CD109: variants seen among roughly 807,000 people sequenced by gnomAD.
The protein encoded by CD109 is CD109 molecule.
CD109 carries 149 observed loss-of-function variants against 165.8 expected under a neutral mutation model. The ratio of observed to expected loss-of-function variants is 0.90; its 90% CI spans 0.79 to 1.03. CD109 has a LOEUF of 1.03. Among genes scored for constraint, CD109 ranks in the 50% least tolerant of loss-of-function variants. The pLI, the probability that CD109 is intolerant of heterozygous loss-of-function variation, is 0.00. For synonymous variants in CD109, 585 were observed against 592.1 expected (o/e 0.99, Z 0.18); for missense variants, 1,712 against 1,677.8 (o/e 1.02, Z -0.36).
chr6:73,751,323 G>T (rs956627107), intron 5 of CD109, among the ~76,000 whole-genome samples: 4 of 151,984 alleles, frequency 2.6e-5, no homozygotes, highest in Admixed American at 6.6e-5. Context: ...TTGTGGGGAG[G>T]TCTTTCATCC....
chr6:73,682,172 C>T, the CD109 span, among the ~76,000 whole-genome samples: 2 of 152,104 alleles, frequency 1.3e-5, no homozygotes, highest in Non-Finnish European at 2.9e-5. Flanking sequence ...CTCAAAAGTC[C>T]GCAGTCCCAA....
chr6:73,775,187 A>G (rs564207871), intron 15 of CD109, among the ~76,000 whole-genome samples: 314 of 150,974 alleles, frequency 2.1e-3, no homozygotes, highest in African/African-American at 7.2e-3. Context: ...GGTTATGTGT[A>G]TATATATATA....
intron 2 of CD109, among the ~76,000 whole-genome samples, chr6:73,709,563 T>A (rs568647078): frequency 4.5e-4 from 69 of 152,188 alleles, no homozygotes; most frequent in Non-Finnish European, 8.8e-4. Context: ...TTGATGGGGA[T>A]GGCATTGAAT....
intron 2 of CD109, among the ~76,000 whole-genome samples, chr6:73,718,464 T>G (rs969837911): frequency 6.6e-6 from 1 of 152,142 alleles, no homozygotes; most frequent in Non-Finnish European, 1.5e-5. Context: ...CATGAAGAGG[T>G]GCTGAATTTT....
chr6:73,770,943 C>A (rs1774010942), intron 14 of CD109, among the ~76,000 whole-genome samples: 2 of 152,130 alleles, frequency 1.3e-5, no homozygotes, highest in South Asian at 4.1e-4. Context: ...TTTGCTCTAA[C>A]CACCCACTCC....
intron 23 of CD109, among the ~76,000 whole-genome samples, chr6:73,801,243 C>T (rs1775351109): frequency 6.6e-6 from 1 of 152,188 alleles, no homozygotes; most frequent in Non-Finnish European, 1.5e-5. Context: ...GTATCTGTAT[C>T]CGCTGAGTTT....
chr6:73,794,174 C>T (rs118169915), intron 23 of CD109, among the ~76,000 whole-genome samples: 2,224 of 152,262 alleles, frequency 0.015, 13 homozygotes, highest in Non-Finnish European at 0.023. Context: ...CTCACAAAAA[C>T]TCTAGGAGCA....
chr6:73,681,195 T>C, the CD109 span, among the ~76,000 whole-genome samples: 7 of 152,078 alleles, frequency 4.6e-5, no homozygotes, highest in African/African-American at 1.7e-4. Context: ...GATATTGAGG[T>C]GAAATTGACA....
At chr6:73,730,879 G>A (rs1410926750) in intron 4 of CD109, among the ~76,000 whole-genome samples, 1 of 152,144 alleles carries the variant, frequency 6.6e-6, no homozygotes, top group Non-Finnish European at 1.5e-5. Flanking sequence ...AAGAGATTAA[G>A]TCCCTGCTGA....
In CD109 at chr6:73,736,407, C is replaced by T. The variant is rs200406626; in HGVS notation, c.532C>T (p.Gln178Ter). Residue 178 changes from glutamine (Q) to a stop codon, truncating the protein, a stop_gained, in exon 5 of 33, where the codon CAG becomes TAG. Transcript: ENST00000287097. LOFTEE classifies it high-confidence loss of function. ...IKDPKSNLIQ[Q>*]WLSQQSDLGV... ...GGACCCCAAATCAAATTTGATCCAA[C>T]AGTGGTTGTCACAACAAAGTGATCT... 5 of 1,613,742 alleles carry T rather than the reference C, an allele frequency of 3.1e-6. No homozygotes were observed. Among genetic ancestry groups the T allele is most frequent in the South Asian group, 1.1e-5 (1 of 91,006 alleles).
intron 16 of CD109, among the ~76,000 whole-genome samples, chr6:73,780,764 T>G (rs1774455164): frequency 6.8e-6 from 1 of 146,816 alleles, no homozygotes; most frequent in African/African-American, 2.5e-5. Context: ...TATAAATATA[T>G]TTTATGTATA....
chr6:73,725,495 A>T (rs12524953), intron 3 of CD109, among the ~76,000 whole-genome samples: 6,672 of 125,508 alleles, frequency 0.053, 181 homozygotes, highest in African/African-American at 0.084. Flanking sequence ...AAATTTGTCT[A>T]CTACACTTCT....
intron 14 of CD109, among the ~76,000 whole-genome samples, chr6:73,768,538 A>C (rs576258785): frequency 6.6e-6 from 1 of 152,330 alleles, no homozygotes; most frequent in African/African-American, 2.4e-5. Flanking sequence ...GTGAAATTCC[A>C]GTGGTAACAT....
chr6:73,748,610 T>C (rs984599476), intron 5 of CD109, among the ~76,000 whole-genome samples: 1 of 152,230 alleles, frequency 6.6e-6, no homozygotes, highest in African/African-American at 2.4e-5. Flanking sequence ...AAGGAATGGA[T>C]GAATGAATGC....
intron 2 of CD109, among the ~76,000 whole-genome samples, chr6:73,718,497 A>G (rs190682281): frequency 2.0e-5 from 3 of 152,106 alleles, no homozygotes; most frequent in Non-Finnish European, 2.9e-5. Flanking sequence ...TAAATTATCA[A>G]TTGAAATGAT....
chr6:73,790,669 G>A (rs1774891928), intron 22 of CD109, among the ~76,000 whole-genome samples: 1 of 152,126 alleles, frequency 6.6e-6, no homozygotes, highest in South Asian at 2.1e-4. Context: ...GATGAGATGA[G>A]ATGTCTGAGC....
chr6:73,680,218 T>TA, the CD109 span, among the ~76,000 whole-genome samples: 1 of 150,716 alleles, frequency 6.6e-6, no homozygotes, highest in Admixed American at 6.9e-5. Context: ...GTAATTATAT[T>TA]ATTTTTTATT....
At chr6:73,821,819 C>T (rs1362152737) in intron 32 of CD109, among the ~76,000 whole-genome samples, 1 of 152,152 alleles carries the variant, frequency 6.6e-6, no homozygotes, top group East Asian at 1.9e-4. Context: ...CAAACCTCAG[C>T]ATCACATAAT....
rs769159939 is a variant in CD109, at chr6:73,818,436, A to G, written c.3960A>G (p.Leu1320=). 2.5e-6 allele frequency: 4 copies of G among 1,613,832 alleles called. No individual in the cohort carries two copies. The highest frequency in any genetic ancestry group is 1.7e-5 in the Admixed American group (1 of 59,944). ...RSGMALMEVN[L]LSGFMVPSEA... ...GCATGGCTCTTATGGAAGTTAACCTATTAAGTGGCTTTATGGTGCCTTCAG... is the reference window on the plus strand; with the variant it reads ...GCATGGCTCTTATGGAAGTTAACCTGTTAAGTGGCTTTATGGTGCCTTCAG... The change falls in exon 31 of 33, where the codon CTA becomes CTG. Residue 1320 remains leucine, a synonymous_variant. Coordinates refer to ENST00000287097, the MANE Select transcript of CD109 (RefSeq NM_133493.5).
Sources: gnomAD v4.1 joint callset for allele counts (sites outside exome capture counted in the v4.1 genomes callset) on GRCh38, gnomAD v4.1.1 for gene constraint, MANE v1.5 for transcripts, NCBI Gene and HGNC (gene_info 2026-07-23, HGNC 2026-07-21) for gene names.